The following SUMF1 variants were observed in gnomAD, a reference collection of about 807,000 sequenced individuals.
SUMF1 encodes formylglycine-generating enzyme.
A neutral mutation model predicts 47.6 loss-of-function variants in SUMF1; 48 were observed. The observed-to-expected ratio is 1.01, with a 90% confidence interval of 0.80 to 1.28. The LOEUF (loss-of-function observed/expected upper bound fraction) is 1.28, where lower values mean the gene tolerates loss of function less well. Ranked by LOEUF, SUMF1 falls within the 50% of genes most tolerant of loss-of-function variation. SUMF1 has a pLI of 0.00. For missense variants in SUMF1, 571 were observed against 485.4 expected, an observed-to-expected ratio of 1.18 and a Z score of -1.66; for synonymous variants, 230 against 192.1, an observed-to-expected ratio of 1.20 and a Z score of -1.63.
chr3:4,143,681 C>A (rs951119356), intron 8 of SUMF1, among the ~76,000 whole-genome samples: 1 of 152,098 alleles, frequency 6.6e-6, no homozygotes, highest in Non-Finnish European at 1.5e-5. Flanking sequence ...TTATTTATCT[C>A]TTTCATTCTT....
chr3:4,465,851 G>A (rs987610437), intron 1 of SUMF1, among the ~76,000 whole-genome samples: 2 of 152,144 alleles, frequency 1.3e-5, no homozygotes, highest in East Asian at 1.9e-4. Flanking sequence ...GGCAGGATAC[G>A]GAAATATTGA....
At chr3:4,352,982 T>C (rs1559238842) in intron 8 of SUMF1, among the ~76,000 whole-genome samples, 1 of 152,214 alleles carries the variant, frequency 6.6e-6, no homozygotes, top group Non-Finnish European at 1.5e-5. Context: ...TGTCAGACCT[T>C]GCTCTTCTCC....
chr3:4,237,845 T>C (rs1175989417), intron 8 of SUMF1, among the ~76,000 whole-genome samples: 1 of 152,166 alleles, frequency 6.6e-6, no homozygotes, highest in Non-Finnish European at 1.5e-5. Context: ...GTTTGTTACA[T>C]AGGTATACAT....
At chr3:4,347,929 C>G (rs1023542477) in intron 8 of SUMF1, among the ~76,000 whole-genome samples, 2 of 152,178 alleles carry the variant, frequency 1.3e-5, no homozygotes, top group Non-Finnish European at 1.5e-5. Context: ...AACTCCCATT[C>G]ACAATTGCTA....
At chr3:4,245,177 T>A (rs1696634122) in intron 8 of SUMF1, among the ~76,000 whole-genome samples, 1 of 152,106 alleles carries the variant, frequency 6.6e-6, no homozygotes, top group Non-Finnish European at 1.5e-5. Flanking sequence ...TTGCTATGGG[T>A]TGGAACATCC....
intron 8 of SUMF1, among the ~76,000 whole-genome samples, chr3:4,366,653 TG>T (rs1699969985): frequency 1.3e-5 from 2 of 152,138 alleles, no homozygotes; most frequent in African/African-American, 4.8e-5. Flanking sequence ...TCTTTGCCTT[TG>T]GTTTGAATTT....
Position 4,386,300 on chromosome 3 carries a change from G to C in SUMF1, c.955-9911C>G, listed in dbSNP as rs74884810. 3.8e-3 allele frequency among the ~76,000 whole-genome samples: 580 copies of C among 152,192 alleles called. 5 individuals are homozygous for C. The highest frequency in any genetic ancestry group is 0.013 in the African/African-American group (554 of 41,548). On this transcript the variant is annotated intron_variant, in intron 7 of 8. Transcript: ENST00000272902. ...ATATTTCTTTCATTAGTGTTGCATA[G>C]CTTTTAGCACACATGTACTAAACAC... is the stretch of plus-strand genomic sequence containing the variant.
intron 8 of SUMF1, among the ~76,000 whole-genome samples, chr3:4,205,094 G>T (rs1446350639): frequency 6.6e-6 from 1 of 152,118 alleles, no homozygotes; most frequent in Non-Finnish European, 1.5e-5. Flanking sequence ...TGAAGCAACT[G>T]AAGATCCACA....
intron 8 of SUMF1, among the ~76,000 whole-genome samples, chr3:4,328,695 CT>C (rs780977290): frequency 6.6e-6 from 1 of 152,100 alleles, no homozygotes; most frequent in Non-Finnish European, 1.5e-5. Flanking sequence ...CATTCTGCCC[CT>C]CACCCCTACC....
intron 8 of SUMF1, among the ~76,000 whole-genome samples, chr3:4,246,113 G>C (rs1172129056): frequency 6.6e-6 from 1 of 152,168 alleles, no homozygotes; most frequent in Non-Finnish European, 1.5e-5. Flanking sequence ...AAGAACATGA[G>C]AAAAGTGCCG....
At chr3:4,248,250 T>G (rs1393210778) in intron 8 of SUMF1, among the ~76,000 whole-genome samples, 1 of 152,140 alleles carries the variant, frequency 6.6e-6, no homozygotes, top group South Asian at 2.1e-4. Flanking sequence ...ACATTCAGAA[T>G]AGACTGTTTT....
At chr3:4,123,740 C>A (rs945360227) in intron 8 of SUMF1, among the ~76,000 whole-genome samples, 1 of 152,130 alleles carries the variant, frequency 6.6e-6, no homozygotes, top group Non-Finnish European at 1.5e-5. Flanking sequence ...AAAGTCATTT[C>A]AACTATTTGC....
intron 8 of SUMF1, among the ~76,000 whole-genome samples, chr3:4,280,500 A>C (rs310700): frequency 0.16 from 25,037 of 152,020 alleles, 2,437 homozygotes; most frequent in South Asian, 0.37. Context: ...AGAGGAAAAA[A>C]AAAACACAGA....
intron 8 of SUMF1, among the ~76,000 whole-genome samples, chr3:4,247,897 C>A (rs948344543): frequency 6.6e-6 from 1 of 152,208 alleles, no homozygotes; most frequent in Non-Finnish European, 1.5e-5. Context: ...CATATATGAT[C>A]TTAGGAGATA....
intron 8 of SUMF1, among the ~76,000 whole-genome samples, chr3:4,323,580 A>C (rs1256232898): frequency 6.6e-6 from 1 of 152,178 alleles, no homozygotes; most frequent in Admixed American, 6.6e-5. Flanking sequence ...AAAGGAAGGA[A>C]GAGGAGAAAG....
At chr3:4,453,150 A>G (rs1172882836) in intron 1 of SUMF1, 101 bp from the exon 2 acceptor site, 33 of 1,189,764 alleles carry the variant, frequency 2.8e-5, no homozygotes, top group Non-Finnish European at 3.9e-5. Context: ...AAGTTTGTAA[A>G]TCTTCACCAC....
intron 1 of SUMF1, among the ~76,000 whole-genome samples, chr3:4,456,745 C>T (rs1354376362): frequency 0.058 from 705 of 12,162 alleles, 37 homozygotes; most frequent in South Asian, 0.089. Context: ...TATATACACA[C>T]ATATATACGT....
intron 8 of SUMF1, among the ~76,000 whole-genome samples, chr3:4,115,950 G>A (rs1046889201): frequency 1.3e-5 from 2 of 151,880 alleles, no homozygotes; most frequent in African/African-American, 2.4e-5. Context: ...ATTGGACTCT[G>A]GAAACAAAAA....
chr3:4,189,006 A>G (rs141777992), intron 8 of SUMF1, among the ~76,000 whole-genome samples: 92 of 152,244 alleles, frequency 6.0e-4, no homozygotes, highest in African/African-American at 2.1e-3. Context: ...ACAATTTCAC[A>G]TGGGTTCTAG....
Sources: allele counts gnomAD v4.1 joint callset (sites outside exome capture counted in the v4.1 genomes callset), GRCh38; gene constraint gnomAD v4.1.1; transcripts MANE v1.5; gene names NCBI Gene and HGNC (gene_info 2026-07-23, HGNC 2026-07-21).